The following PPP6R1 variants were observed in gnomAD, a reference collection of about 807,000 sequenced individuals.
The protein encoded by PPP6R1 is serine/threonine-protein phosphatase 6 regulatory subunit 1.
Under a neutral mutation model 104.6 loss-of-function variants are expected in PPP6R1, and 39 were observed. That is an observed-to-expected ratio of 0.37 (90% CI 0.29 to 0.49). The LOEUF (loss-of-function observed/expected upper bound fraction) is 0.49, where lower values mean the gene tolerates loss of function less well. PPP6R1 is among the 20% of genes least tolerant of loss of function. The probability of loss-of-function intolerance (pLI) is 0.98; values close to 1 mark genes in which losing one functional copy is unlikely to be tolerated. For missense variants in PPP6R1, 1,181 were observed against 1,155.8 expected (o/e 1.02, Z -0.32); for synonymous variants, 549 against 479.0 (o/e 1.15, Z -1.91).
intron 1 of PPP6R1, among the ~76,000 whole-genome samples, chr19:55,258,187 G>A (rs981602849): frequency 3.3e-5 from 5 of 152,258 alleles, no homozygotes; most frequent in African/African-American, 9.6e-5. Flanking sequence ...AGTGGGAAAA[G>A]GCCGAGAGCA....
downstream of PPP6R1, chr19:55,228,820 C>T (rs928153042): frequency 1.5e-5 from 22 of 1,460,710 alleles, no homozygotes; most frequent in African/African-American, 9.8e-5. Context: ...CATGGTTACA[C>T]GTTAACCCAA....
rs1402429037 is a variant in PPP6R1, at chr19:55,258,502, G to C, written c.-74C>G. The C allele has an allele frequency of 6.7e-6, 1 of 149,754 alleles. No individual in the cohort carries two copies. The highest frequency in any genetic ancestry group is 2.0e-4 in the East Asian group (1 of 5,076). The allele number at this position is 149,754 out of a possible 1,614,324, so 9.3% of individuals were successfully genotyped here. On this transcript the variant is annotated 5_prime_UTR_variant, in exon 1 of 24. Coordinates refer to ENST00000412770, the MANE Select transcript of PPP6R1 (RefSeq NM_014931.4). The stretch of plus-strand genomic sequence containing the variant: ...GGGCGCCCCCCCCCGCCCCGCCGCC[G>C]GCGGCTCCGGCCCCTGCTGCGGGGC...
chr19:55,240,892 G>A lies in PPP6R1; in HGVS notation c.1296+53C>T. On this transcript the variant is annotated intron_variant, in intron 10 of 23. Coordinates refer to ENST00000412770, the MANE Select transcript of PPP6R1 (RefSeq NM_014931.4). The stretch of plus-strand genomic sequence containing the variant: ...TGAGGGGTAGGCCTCTGGAGAGGGT[G>A]CGCCCACAGGGGATGGGCCCAGAAG... 3.2e-6 allele frequency: 5 copies of A among 1,579,352 alleles called. No individual in the cohort carries two copies. The East Asian group carries it at 1.1e-4, about 36-fold the overall frequency.
At chr19:55,239,068 C>T (rs2087424578) in intron 15 of PPP6R1, 3 of 341,130 alleles carry the variant, frequency 8.8e-6, no homozygotes, top group African/African-American at 4.2e-5. Context: ...CTGGTCCCCA[C>T]TACCCTGAGC....
In PPP6R1 at chr19:55,240,124, G is replaced by A. The variant is rs371115330; in HGVS notation, c.1362-10C>T. 96 of 1,571,430 alleles carry A rather than the reference G, an allele frequency of 6.1e-5. No homozygotes were observed. The African/African-American group carries it at 1.0e-3, about 17-fold the overall frequency. ...AGGGCCTCCCGCACACCTGGCAAGA[G>A]TGAAGGCCGCGGCTGCAAGCCAGGA... On this transcript the variant is annotated splice_polypyrimidine_tract_variant and intron_variant, in intron 11 of 23. Transcript: ENST00000412770.
chr19:55,237,615 G>A (rs2122575691), intron 15 of PPP6R1, among the ~76,000 whole-genome samples: 1 of 152,276 alleles, frequency 6.6e-6, no homozygotes, highest in East Asian at 1.9e-4. Flanking sequence ...AAGATCAATG[G>A]ATAAAGGACA....
At chr19:55,252,394 T>C (rs2087560513) in intron 1 of PPP6R1, among the ~76,000 whole-genome samples, 1 of 137,434 alleles carries the variant, frequency 7.3e-6, no homozygotes, top group Non-Finnish European at 1.6e-5. Flanking sequence ...CATTCTTGGC[T>C]GATTTTTTTT....
chr19:55,230,428 T>C lies in PPP6R1; in HGVS notation c.*100A>G. 2 of 1,536,050 alleles carry C rather than the reference T, an allele frequency of 1.3e-6. No individual in the cohort carries two copies. Among genetic ancestry groups the C allele is most frequent in the Non-Finnish European group, 1.8e-6 (2 of 1,122,750 alleles). On this transcript the variant is annotated 3_prime_UTR_variant, in exon 24 of 24. Coordinates refer to ENST00000412770, the MANE Select transcript of PPP6R1 (RefSeq NM_014931.4). ...AGGAGAGAATGTGGGGGTGTCAGGG[T>C]GATGAGGGCAATGGGGGCCATCGTG...
intron 1 of PPP6R1, among the ~76,000 whole-genome samples, chr19:55,253,897 A>C (rs1052117755): frequency 3.3e-5 from 5 of 152,100 alleles, no homozygotes; most frequent in Admixed American, 3.3e-4. Context: ...TCATTTCCTC[A>C]TCCGTGAAAA....
At chr19:55,239,171 T>C (rs2122590901) in intron 15 of PPP6R1, 3 of 549,976 alleles carry the variant, frequency 5.5e-6, no homozygotes, top group South Asian at 2.0e-5. Context: ...CCCACCCTCA[T>C]GGCCTGCCTC....
At chr19:55,247,275 G>C in intron 1 of PPP6R1, 166 bp from the exon 2 acceptor site, 1 of 668,712 alleles carries the variant, frequency 1.5e-6, no homozygotes, top group Non-Finnish European at 2.5e-6. Context: ...CTGCCCGCAG[G>C]CTCACTGCCT....
Position 55,230,813 on chromosome 19 carries a change from T to TC in PPP6R1, c.2530dup (p.Glu844GlyfsTer101). The TC allele has an allele frequency of 6.3e-7, 1 of 1,593,414 alleles. No individual in the cohort carries two copies. The highest frequency in any genetic ancestry group is 8.5e-7 in the Non-Finnish European group (1 of 1,174,364). The stretch of plus-strand genomic sequence containing the variant: ...AAGCCCCAAGGGCTCTGGGCTCTTC[T>TC]CCCCTTCTGTGGTCTGGGGGGGCTG... On this transcript the variant is annotated frameshift_variant, in exon 22 of 24. Coordinates refer to ENST00000412770, the MANE Select transcript of PPP6R1 (RefSeq NM_014931.4). LOFTEE classifies it high-confidence loss of function.
At chr19:55,228,246 A>G, downstream of PPP6R1, 1 of 1,612,592 alleles carries the variant, frequency 6.2e-7, no homozygotes, top group Non-Finnish European at 8.5e-7. Flanking sequence ...CCGAGCACAC[A>G]AGGGCTCCCT....
downstream of PPP6R1, chr19:55,228,634 G>T: frequency 6.3e-7 from 1 of 1,581,038 alleles, no homozygotes; most frequent in Non-Finnish European, 8.6e-7. Flanking sequence ...CCCGCCGGCT[G>T]CTGGGGTTCC....
chr19:55,234,906 G>C (rs1223560835), intron 17 of PPP6R1, among the ~76,000 whole-genome samples: 1 of 152,206 alleles, frequency 6.6e-6, no homozygotes, highest in Non-Finnish European at 1.5e-5. Flanking sequence ...TTAGAAGCCA[G>C]GACAACTTTA....
At position 55,230,239 on chromosome 19, in the gene PPP6R1, C is replaced by T; in HGVS notation, c.*289G>A. On this transcript the variant is annotated 3_prime_UTR_variant, in exon 24 of 24. Coordinates refer to ENST00000412770, the MANE Select transcript of PPP6R1 (RefSeq NM_014931.4). ...TGTCCTCACTCTCTCTCGCTCTCCT[C>T]CCTCTCTCTATATAATATATAATAT... 1 of 462,424 alleles carries T rather than the reference C, an allele frequency of 2.2e-6. No individual in the cohort carries two copies. Among genetic ancestry groups the T allele is most frequent in the Non-Finnish European group, 3.9e-6 (1 of 258,128 alleles). 28.6% of individuals were successfully genotyped at this position (462,424 alleles called of 1,614,324 possible).
intron 15 of PPP6R1, among the ~76,000 whole-genome samples, chr19:55,237,840 A>G (rs1194441349): frequency 6.6e-6 from 1 of 152,214 alleles, no homozygotes; most frequent in Non-Finnish European, 1.5e-5. Context: ...TACAGGAGCT[A>G]TGCGGGGCAG....
intron 2 of PPP6R1, among the ~76,000 whole-genome samples, chr19:55,246,521 T>A (rs907629660): frequency 6.6e-6 from 1 of 151,230 alleles, no homozygotes; most frequent in Non-Finnish European, 1.5e-5. Flanking sequence ...AAAAGTTTAA[T>A]AAAAAGTAAA....
Position 55,239,662 on chromosome 19 carries a change from A to C in PPP6R1, c.1585T>G (p.Ser529Ala). Residue 529 changes from serine (S) to alanine (A), a missense_variant, in exon 14 of 24, where the codon TCC becomes GCC. Transcript: ENST00000412770. The stretch of plus-strand genomic sequence containing the variant: ...CGGTCGTCCTCATCGTCACTGGAGG[A>C]GTGTAGGTGGTGGGTGTTCACCTGG... ...VDLVNTHHLH[S>A]SSDDEDDRLK... 4 of 1,611,520 alleles carry C rather than the reference A, an allele frequency of 2.5e-6. No individual in the cohort carries two copies. Among genetic ancestry groups the C allele is most frequent in the Non-Finnish European group, 3.4e-6 (4 of 1,178,910 alleles).
Sources: allele counts gnomAD v4.1 joint callset (sites outside exome capture counted in the v4.1 genomes callset), GRCh38; gene constraint gnomAD v4.1.1; transcripts MANE v1.5; gene names NCBI Gene and HGNC (gene_info 2026-07-23, HGNC 2026-07-21).